CDKL5: variants seen among roughly 807,000 people sequenced by gnomAD.
CDKL5 encodes the protein cyclin dependent kinase like 5.
CDKL5 carries 8 observed loss-of-function variants against 61.7 expected under a neutral mutation model. That is an observed-to-expected ratio of 0.13 (90% CI 0.08 to 0.23). CDKL5 has a LOEUF of 0.23. Ranked by LOEUF, CDKL5 falls within the 10% of genes least tolerant of loss-of-function variation. The probability of loss-of-function intolerance (pLI) is 1.00; values close to 1 mark genes in which losing one functional copy is unlikely to be tolerated. For missense variants in CDKL5, 440 were observed against 734.5 expected, an observed-to-expected ratio of 0.60 and a Z score of 4.63; for synonymous variants, 275 against 272.3, an observed-to-expected ratio of 1.01 and a Z score of -0.10.
chrX:18,570,606 G>T (rs1023564749), intron 4 of CDKL5, among the ~76,000 whole-genome samples: 1 of 111,374 alleles, frequency 9.0e-6, no homozygotes, highest in Non-Finnish European at 1.9e-5. Context: ...CATTTGGGGT[G>T]GGGGGCTCTT....
chrX:18,579,672 A>T (rs1925409895), intron 5 of CDKL5, among the ~76,000 whole-genome samples, 176 bp from the exon 6 acceptor site: 1 of 111,298 alleles, frequency 9.0e-6, no homozygotes, highest in Non-Finnish European at 1.9e-5. Context: ...TTCCTCATAA[A>T]AGAAAGCCCC....
At chrX:18,653,027 T>G in intron 21 of CDKL5, among the ~76,000 whole-genome samples, 1 of 112,411 alleles carries the variant, frequency 8.9e-6, no homozygotes, top group Non-Finnish European at 1.9e-5. Context: ...CAGACAGATG[T>G]GAATAGTGTT....
chrX:18,466,321 T>C (rs1208960700), intron 1 of CDKL5, among the ~76,000 whole-genome samples: 1 of 112,308 alleles, frequency 8.9e-6, no homozygotes, highest in African/African-American at 3.2e-5. Flanking sequence ...ATAGTATTTT[T>C]TGAGACAGTG....
chrX:18,526,618 G>T (rs1190173331), intron 3 of CDKL5, among the ~76,000 whole-genome samples: 2 of 111,205 alleles, frequency 1.8e-5, no homozygotes, highest in Middle Eastern at 4.6e-3. Flanking sequence ...TCCTCTCTAT[G>T]CCTAGATTGC....
chrX:18,583,614 G>C (rs1009231762), intron 7 of CDKL5, among the ~76,000 whole-genome samples: 6 of 111,490 alleles, frequency 5.4e-5, no homozygotes, highest in East Asian at 2.8e-4. Flanking sequence ...GAGTTAGATG[G>C]GTGATTAACT....
chrX:18,643,659 G>T (rs149011498), downstream of CDKL5, among the ~76,000 whole-genome samples: 1 of 111,787 alleles, frequency 8.9e-6, no homozygotes, highest in South Asian at 3.8e-4. Flanking sequence ...CGTCTTGGCC[G>T]TACAAATTGT....
chrX:18,616,179 A>G (rs1184588709), intron 15 of CDKL5, among the ~76,000 whole-genome samples: 1 of 112,172 alleles, frequency 8.9e-6, no homozygotes, highest in Admixed American at 9.5e-5. Flanking sequence ...AGGTTGGAAA[A>G]TCATACATAT....
Position 18,587,960 on chromosome X carries a change from C to T in CDKL5, c.561C>T (p.Pro187=). 8.3e-7 allele frequency: 1 copy of T among 1,209,352 alleles called. No individual in the cohort carries two copies. Among genetic ancestry groups the T allele is most frequent in the Middle Eastern group, 2.3e-4 (1 of 4,323 alleles). ...CTCTTCCTTTATTTTTCAGCGCTCC[C>T]TATGGAAAGTCCGTGGACATGTGGT... ...YRSPELLLGA[P]YGKSVDMWSV... Residue 187 remains proline, a synonymous_variant, in exon 9 of 18, where the codon CCC becomes CCT. Coordinates refer to ENST00000623535, the MANE Select transcript of CDKL5 (RefSeq NM_001323289.2).
At chrX:18,432,108 T>TC (rs1175147852) in intron 1 of CDKL5, among the ~76,000 whole-genome samples, 1 of 101,366 alleles carries the variant, frequency 9.9e-6, no homozygotes, top group Admixed American at 1.1e-4. Context: ...TCTTTTTTTT[T>TC]TTTTTTTTGA....
At chrX:18,566,452 A>G (rs1428083067) in intron 4 of CDKL5, among the ~76,000 whole-genome samples, 1 of 112,908 alleles carries the variant, frequency 8.9e-6, no homozygotes, top group Non-Finnish European at 1.9e-5. Context: ...CACCTTGTCC[A>G]GCCCCATTAC....
intron 1 of CDKL5, among the ~76,000 whole-genome samples, chrX:18,482,524 G>C (rs1351756443): frequency 1.8e-5 from 2 of 111,281 alleles, no homozygotes; most frequent in East Asian, 5.6e-4. Flanking sequence ...CCTTTTGTGT[G>C]TGTATTGTTT....
intron 20 of CDKL5, among the ~76,000 whole-genome samples, chrX:18,648,473 C>T (rs773428220): frequency 1.8e-5 from 2 of 110,501 alleles, no homozygotes; most frequent in Admixed American, 9.6e-5. Context: ...AACTCCTGGG[C>T]TCAAGGGATC....
chrX:18,492,613 T>C (rs1160966667), intron 1 of CDKL5, among the ~76,000 whole-genome samples: 1 of 111,166 alleles, frequency 9.0e-6, no homozygotes, highest in Non-Finnish European at 1.9e-5. Flanking sequence ...TATCCTTGCC[T>C]CCTCTTTCCC....
At position 18,582,807 on chromosome X, in the gene CDKL5, C is replaced by T. The variant is rs748208588; in HGVS notation, c.463+857C>T. Reference sequence around the variant, plus strand: ...TGTCAAAATTTGCTTCGTAGAATGACCCATTTTGTCCAGTGTAGCAAATGG... The same window carrying T: ...TGTCAAAATTTGCTTCGTAGAATGATCCATTTTGTCCAGTGTAGCAAATGG... On this transcript the variant is annotated intron_variant, in intron 7 of 17. Transcript: ENST00000623535. Among the ~76,000 whole-genome samples, 120 of 111,400 alleles carry T rather than the reference C, an allele frequency of 1.1e-3. 1 individual carries two copies. Among genetic ancestry groups the T allele is most frequent in the Non-Finnish European group, 1.4e-3 (76 of 53,019 alleles).
Position 18,433,484 on chromosome X carries a change from A to G in CDKL5, c.-163+7789A>G, listed in dbSNP as rs765991337. ...AGAATTGCTTAAACCGGGGAGGTGG[A>G]GGTTGCGGTGAGCCGAGATTGCATC... is the stretch of plus-strand genomic sequence containing the variant. On this transcript the variant is annotated intron_variant, in intron 1 of 17. Transcript: ENST00000623535. 2.7e-5 allele frequency among the ~76,000 whole-genome samples: 3 copies of G among 111,959 alleles called. No homozygotes were observed. In the Admixed American group the frequency reaches 2.8e-4, roughly 11 times the overall value.
intron 1 of CDKL5, among the ~76,000 whole-genome samples, chrX:18,464,026 TTTTTG>T (rs1002281540): frequency 1.8e-5 from 2 of 109,147 alleles, no homozygotes; most frequent in African/African-American, 6.7e-5. Context: ...TTTGTTTTTG[TTTTTG>T]TTTTTTTTTT....
chrX:18,623,959 T>C (rs1817267058), intron 16 of CDKL5: 1 of 747,176 alleles, frequency 1.3e-6, no homozygotes, highest in Admixed American at 8.9e-5. Flanking sequence ...ATTTAAAGCA[T>C]AGTTCTTCTT....
chrX:18,605,031 G>GT (rs1220452932), intron 12 of CDKL5, among the ~76,000 whole-genome samples, 163 bp downstream of exon 12: 1 of 110,727 alleles, frequency 9.0e-6, no homozygotes, highest in African/African-American at 3.3e-5. Flanking sequence ...CTGTTTTTTT[G>GT]TTTTTTGTTT....
At chrX:18,501,136 C>T (rs1204125463) in intron 1 of CDKL5, among the ~76,000 whole-genome samples, 2 of 108,794 alleles carry the variant, frequency 1.8e-5, no homozygotes, top group African/African-American at 6.7e-5. Context: ...CCACTGTAGC[C>T]GGCCCCACTC....
Sources: allele counts gnomAD v4.1 joint callset (sites outside exome capture counted in the v4.1 genomes callset), GRCh38; gene constraint gnomAD v4.1.1; transcripts MANE v1.5; gene names NCBI Gene and HGNC (gene_info 2026-07-23, HGNC 2026-07-21).